The following GRAMD1C variants were observed in gnomAD, a reference collection of about 807,000 sequenced individuals.
The protein encoded by GRAMD1C is GRAM domain containing 1C.
A neutral mutation model predicts 97.8 loss-of-function variants in GRAMD1C; 89 were observed. The observed-to-expected ratio is 0.91, with a 90% confidence interval of 0.77 to 1.09. GRAMD1C has a LOEUF of 1.09. Among genes scored for constraint, GRAMD1C ranks in the 50% least tolerant of loss-of-function variants. GRAMD1C has a pLI of 0.00. For missense variants in GRAMD1C, 740 were observed against 766.4 expected (o/e 0.97, Z 0.41); for synonymous variants, 256 against 267.0 (o/e 0.96, Z 0.40).
intron 1 of GRAMD1C, among the ~76,000 whole-genome samples, chr3:113,842,049 A>C (rs149060437): frequency 3.2e-4 from 49 of 152,336 alleles, no homozygotes; most frequent in Non-Finnish European, 5.6e-4. Flanking sequence ...GACTTGATTT[A>C]AATTTAGTTT....
intron 15 of GRAMD1C, 169 bp downstream of exon 15, chr3:113,938,312 T>C (rs2107379788): frequency 4.8e-6 from 2 of 413,218 alleles, no homozygotes; most frequent in East Asian, 3.7e-5. Flanking sequence ...TTTAGCTTTA[T>C]ATATGATTTT....
chr3:113,850,818 T>C (rs1933865543), intron 2 of GRAMD1C: 1 of 591,318 alleles, frequency 1.7e-6, no homozygotes, highest in African/African-American at 1.9e-5. Flanking sequence ...TTTATTTTTT[T>C]TGAGATGGAG....
At chr3:113,849,976 C>G (rs566837818) in intron 2 of GRAMD1C, among the ~76,000 whole-genome samples, 8 of 143,134 alleles carry the variant, frequency 5.6e-5, no homozygotes, top group East Asian at 2.0e-4. Context: ...GGGGGGCTGA[C>G]CCCCCCACCT....
chr3:113,908,076 C>G (rs1321143518), intron 8 of GRAMD1C, among the ~76,000 whole-genome samples: 3 of 152,132 alleles, frequency 2.0e-5, no homozygotes, highest in Non-Finnish European at 4.4e-5. Flanking sequence ...CCAGTGGAAA[C>G]CTGTATCCTC....
Position 113,933,524 on chromosome 3 carries a change from A to T in GRAMD1C, c.1223A>T (p.Glu408Val). Residue 408 changes from glutamate (E) to valine (V), a missense_variant, in exon 12 of 18, where the codon GAA becomes GTA. Transcript: ENST00000358160. ...AATEKQTLYK[E>V]SREARFYLVD... ...TTACTTTGGCAGACACTGTATAAAGAAAGTCGGGAAGCACGATTTTATTTG... is the reference window on the plus strand; with the variant it reads ...TTACTTTGGCAGACACTGTATAAAGTAAGTCGGGAAGCACGATTTTATTTG... 1 of 1,611,434 alleles carries T rather than the reference A, an allele frequency of 6.2e-7. No homozygotes were observed. The highest frequency in any genetic ancestry group is 8.5e-7 in the Non-Finnish European group (1 of 1,177,584).
chr3:113,894,020 G>A lies in GRAMD1C; in HGVS notation c.541-7011G>A, dbSNP rs181241476. ...AATTTCTTTAACCTTCAATATGTAC[G>A]GTGAGAACAAATGATTATCTTGAAA... On this transcript the variant is annotated intron_variant, in intron 6 of 17. Coordinates refer to ENST00000358160, the MANE Select transcript of GRAMD1C (RefSeq NM_017577.5). Among the ~76,000 whole-genome samples, 6 of 152,148 alleles carry A rather than the reference G, an allele frequency of 3.9e-5. No homozygotes were observed. The East Asian group carries it at 9.6e-4, about 24-fold the overall frequency.
intron 1 of GRAMD1C, among the ~76,000 whole-genome samples, chr3:113,841,654 G>A (rs1933325702): frequency 6.6e-6 from 1 of 151,984 alleles, no homozygotes; most frequent in African/African-American, 2.4e-5. Flanking sequence ...ATATTGGGTT[G>A]TATAATTTTA....
intron 5 of GRAMD1C, among the ~76,000 whole-genome samples, chr3:113,876,849 G>GAA (rs142312523): frequency 3.4e-4 from 41 of 121,500 alleles, no homozygotes; most frequent in Non-Finnish European, 6.2e-4. Flanking sequence ...AGGAAAGAAA[G>GAA]AAAAAAAAAA....
rs958707819 is a variant in GRAMD1C at position 113,945,642 on chromosome 3, T to C, written c.*164T>C. On this transcript the variant is annotated 3_prime_UTR_variant, in exon 18 of 18. Coordinates refer to ENST00000358160, the MANE Select transcript of GRAMD1C (RefSeq NM_017577.5). ...TCAGTAACATTTATTTGATAATTAGTTTCTGCTGGCCTTAATAATCCATCC... is the reference window on the plus strand; with the variant it reads ...TCAGTAACATTTATTTGATAATTAGCTTCTGCTGGCCTTAATAATCCATCC... 3.6e-6 allele frequency: 2 copies of C among 563,046 alleles called. No individual in the cohort carries two copies. The highest frequency in any genetic ancestry group is 6.2e-5 in the East Asian group (2 of 32,336). The allele number at this position is 563,046 out of a possible 1,614,324, so 34.9% of individuals were successfully genotyped here. A position where few individuals can be genotyped will look rare whatever the true frequency, so the allele number is the denominator to read the frequency against.
In GRAMD1C at chr3:113,885,219, TC is replaced by T. The variant is rs995598022; in HGVS notation, c.540+2388del. ...CTTGGGGCCCCCGTTCCCCCTCCCT[TC>T]GGCGGGGGTTGCCCCCGGGGGGCTG... On this transcript the variant is annotated intron_variant, in intron 6 of 17. Transcript: ENST00000358160. The T allele has an allele frequency of 6.0e-6, 5 of 832,260 alleles. No individual in the cohort carries two copies. In the Admixed American group the frequency reaches 7.1e-5, roughly 12 times the overall value. 51.6% of individuals were successfully genotyped at this position (832,260 alleles called of 1,614,324 possible). A position where few individuals can be genotyped will look rare whatever the true frequency, so the allele number is the denominator to read the frequency against.
In GRAMD1C at chr3:113,874,800, T is replaced by TA. The variant is rs1177925517; in HGVS notation, c.260-683dup. On this transcript the variant is annotated intron_variant, in intron 3 of 17. Coordinates refer to ENST00000358160, the MANE Select transcript of GRAMD1C (RefSeq NM_017577.5). ...GTCTTAATCTAACTACTCTGTCTCT[T>TA]ACTATGGTCACCTTCTGGTCTGAGT... Among the ~76,000 whole-genome samples the TA allele has an allele frequency of 1.3e-5, 2 of 152,240 alleles. 1 individual carries two copies.
At position 113,838,830 on chromosome 3, in the gene GRAMD1C, G is replaced by T. The variant is rs1205115006; in HGVS notation, c.-80G>T. 1.2e-5 allele frequency: 13 copies of T among 1,074,868 alleles called. No individual in the cohort carries two copies. Among genetic ancestry groups the T allele is most frequent in the Non-Finnish European group, 1.3e-5 (11 of 847,236 alleles). 66.6% of individuals were successfully genotyped at this position (1,074,868 alleles called of 1,614,324 possible). A position where few individuals can be genotyped will look rare whatever the true frequency, so the allele number is the denominator to read the frequency against. On this transcript the variant is annotated 5_prime_UTR_variant, in exon 1 of 18. Transcript: ENST00000358160. ...AGGAGGCGCGCGGAGCCTGTAACTC[G>T]CAGCGCGCGCTGGAGGTGGGCGCGG...
intron 6 of GRAMD1C, among the ~76,000 whole-genome samples, chr3:113,884,199 T>C (rs990679902): frequency 9.2e-5 from 14 of 152,138 alleles, no homozygotes; most frequent in Non-Finnish European, 1.6e-4. Context: ...GAATAGACGA[T>C]ATGCTAGGTC....
chr3:113,937,712 T>C (rs1937604027), intron 14 of GRAMD1C, among the ~76,000 whole-genome samples: 1 of 152,200 alleles, frequency 6.6e-6, no homozygotes, highest in African/African-American at 2.4e-5. Context: ...ATTAAATTTC[T>C]GTCAGTTGAG....
intron 9 of GRAMD1C, among the ~76,000 whole-genome samples, chr3:113,913,766 T>C (rs972491834): frequency 3.9e-5 from 6 of 152,188 alleles, no homozygotes; most frequent in Non-Finnish European, 8.8e-5. Flanking sequence ...ACTTGTCATA[T>C]GTATTAAATG....
intron 2 of GRAMD1C, among the ~76,000 whole-genome samples, chr3:113,849,303 A>ATTAT (rs1553715115): frequency 4.9e-5 from 7 of 143,346 alleles, no homozygotes; most frequent in Non-Finnish European, 9.3e-5. Flanking sequence ...TTATTTATTT[A>ATTAT]TTTATTTTTT....
intron 9 of GRAMD1C, among the ~76,000 whole-genome samples, chr3:113,911,696 T>TTTCCTTCCTTCCTTCCTTCTCTTCCTTCC (rs1553723609): frequency 1.3e-5 from 1 of 78,778 alleles, no homozygotes; most frequent in Admixed American, 1.5e-4. Flanking sequence ...TCTCTGTTTC[T>TTTCCTTCCTTCCTTCCTTCTCTTCCTTCC]TTCCTTCCTT....
chr3:113,841,476 G>C (rs1356429078), intron 1 of GRAMD1C, among the ~76,000 whole-genome samples: 1 of 151,740 alleles, frequency 6.6e-6, no homozygotes, highest in Non-Finnish European at 1.5e-5. Context: ...TTTTAGTTGA[G>C]ATGGGGTTTT....
chr3:113,922,300 T>C (rs1937088232), intron 10 of GRAMD1C, among the ~76,000 whole-genome samples: 1 of 152,192 alleles, frequency 6.6e-6, no homozygotes, highest in Non-Finnish European at 1.5e-5. Flanking sequence ...CTTGAACTCC[T>C]GAGCTCAAGC....
Sources: allele counts gnomAD v4.1 joint callset (sites outside exome capture counted in the v4.1 genomes callset), GRCh38; gene constraint gnomAD v4.1.1; transcripts MANE v1.5; gene names NCBI Gene and HGNC (gene_info 2026-07-23, HGNC 2026-07-21).